The following ADGRL2 variants were observed in gnomAD, a reference collection of about 807,000 sequenced individuals.
ADGRL2 encodes calcium-independent alpha-latrotoxin receptor 2.
ADGRL2 carries 44 observed loss-of-function variants against 157.4 expected under a neutral mutation model. The ratio of observed to expected loss-of-function variants is 0.28; its 90% CI spans 0.22 to 0.36. ADGRL2 has a LOEUF of 0.36. ADGRL2 is among the 10% of genes least tolerant of loss of function. ADGRL2 has a pLI of 1.00. For synonymous variants in ADGRL2, 585 were observed against 624.7 expected (o/e 0.94, Z 0.95); for missense variants, 1,510 against 1,768.9 (o/e 0.85, Z 2.63).
intron 2 of ADGRL2, among the ~76,000 whole-genome samples, chr1:81,527,734 G>C (rs2079497521): frequency 1.3e-5 from 2 of 151,492 alleles, no homozygotes; most frequent in Admixed American, 6.6e-5. Context: ...TGATCGGAGG[G>C]AGCTGCCTTG....
At chr1:81,813,406 T>A (rs898486165) in intron 1 of ADGRL2, among the ~76,000 whole-genome samples, 1 of 151,718 alleles carries the variant, frequency 6.6e-6, no homozygotes, top group Non-Finnish European at 1.5e-5. Context: ...TCTTTACTAA[T>A]GTGAAAAGTC....
At chr1:81,762,369 A>G (rs1017972414) in intron 2 of ADGRL2, among the ~76,000 whole-genome samples, 3 of 152,210 alleles carry the variant, frequency 2.0e-5, no homozygotes, top group Non-Finnish European at 4.4e-5. Flanking sequence ...CAAGCTAGCC[A>G]CTATATGATT....
chr1:81,803,437 C>T (rs565741646), intron 1 of ADGRL2, among the ~76,000 whole-genome samples: 2 of 151,972 alleles, frequency 1.3e-5, no homozygotes, highest in Non-Finnish European at 2.9e-5. Flanking sequence ...CTTTTTTTCC[C>T]CCCCTCCAAT....
chr1:81,550,657 G>A (rs990099556), intron 2 of ADGRL2, among the ~76,000 whole-genome samples: 10 of 152,096 alleles, frequency 6.6e-5, no homozygotes, highest in Non-Finnish European at 1.3e-4. Flanking sequence ...CAGTCCTGTC[G>A]TCTGCCTGAT....
intron 2 of ADGRL2, among the ~76,000 whole-genome samples, chr1:81,839,034 T>G (rs1175173156): frequency 1.3e-5 from 2 of 152,010 alleles, no homozygotes; most frequent in African/African-American, 4.8e-5. Flanking sequence ...GACATCATAG[T>G]CCTTTATTGC....
chr1:81,463,447 G>A (rs1473406248), intron 2 of ADGRL2, among the ~76,000 whole-genome samples: 1 of 152,082 alleles, frequency 6.6e-6, no homozygotes, highest in African/African-American at 2.4e-5. Context: ...AATACTTCTG[G>A]TATTTGTTTT....
At chr1:81,489,543 A>G (rs1244347426) in intron 2 of ADGRL2, among the ~76,000 whole-genome samples, 1 of 152,234 alleles carries the variant, frequency 6.6e-6, no homozygotes, top group Non-Finnish European at 1.5e-5. Flanking sequence ...AAAAGAAGAA[A>G]GAATATTTGA....
intron 3 of ADGRL2, among the ~76,000 whole-genome samples, chr1:81,914,144 T>A (rs532903676): frequency 6.6e-6 from 1 of 152,264 alleles, no homozygotes; most frequent in Admixed American, 6.5e-5. Context: ...TTTCGGCTTG[T>A]GTATACTCTC....
chr1:81,950,344 A>G lies in ADGRL2; in HGVS notation c.1366A>G (p.Thr456Ala), dbSNP rs561207716. The change falls in exon 7 of 24, where the codon ACA becomes GCA. Residue 456 changes from threonine to alanine, a missense_variant. Physicochemically the swap from Thr to Ala is moderately conservative, Grantham distance 58 (BLOSUM62 0). Around this residue, in one of 4 missense-constraint regions of ADGRL2, gnomAD observed 325 missense variants for 333.2 expected, o/e 0.98. Transcript: ENST00000686636. ...GACAAAACCACCTCCAGCAGTTTCT[A>G]CAACCAAAATTCCACCTATAACAAA... ...KGTKPPPAVS[T>A]TKIPPITNIF... 11 of 1,614,134 alleles carry G rather than the reference A, an allele frequency of 6.8e-6. No individual in the cohort carries two copies. The African/African-American group carries it at 1.3e-4, about 20-fold the overall frequency.
At chr1:81,824,768 A>G (rs549326478) in intron 1 of ADGRL2, among the ~76,000 whole-genome samples, 25 of 152,234 alleles carry the variant, frequency 1.6e-4, no homozygotes, top group African/African-American at 6.0e-4. Context: ...TTTATTCTGA[A>G]GTTTATTAGG....
intron 1 of ADGRL2, among the ~76,000 whole-genome samples, chr1:81,734,358 G>A (rs2084826587): frequency 6.6e-6 from 1 of 150,906 alleles, no homozygotes. Context: ...AAAACATGGA[G>A]GGGAAGGTGA....
chr1:81,782,384 T>A (rs139738593), intron 2 of ADGRL2, among the ~76,000 whole-genome samples: 3 of 152,308 alleles, frequency 2.0e-5, no homozygotes, highest in East Asian at 3.9e-4. Flanking sequence ...AATATATTAA[T>A]GAGGGGGTAA....
intron 19 of ADGRL2, among the ~76,000 whole-genome samples, chr1:81,982,973 C>T (rs148288677): frequency 6.6e-6 from 1 of 151,908 alleles, no homozygotes; most frequent in African/African-American, 2.4e-5. Flanking sequence ...TATTTAATAA[C>T]AATGAACTTT....
At chr1:81,522,904 G>A (rs1166552507) in intron 2 of ADGRL2, among the ~76,000 whole-genome samples, 1 of 152,054 alleles carries the variant, frequency 6.6e-6, no homozygotes, top group East Asian at 1.9e-4. Flanking sequence ...TACATTCAAA[G>A]GTTCAGTAGG....
chr1:81,343,092 CTTT>C (rs544677891), intron 1 of ADGRL2, among the ~76,000 whole-genome samples: 1 of 131,140 alleles, frequency 7.6e-6, no homozygotes, highest in African/African-American at 2.8e-5. Flanking sequence ...TTTTTCTTTT[CTTT>C]TTTTTTTTTT....
intron 1 of ADGRL2, among the ~76,000 whole-genome samples, chr1:81,748,467 C>CAAAAAA (rs973818702): frequency 4.0e-4 from 17 of 42,338 alleles, no homozygotes; most frequent in Admixed American, 1.3e-3. Context: ...GATTCCGTCT[C>CAAAAAA]AAAAAAAAAA....
At chr1:81,661,178 C>G (rs1330360243) in intron 3 of ADGRL2, among the ~76,000 whole-genome samples, 2 of 136,874 alleles carry the variant, frequency 1.5e-5, no homozygotes, top group Non-Finnish European at 3.1e-5. Flanking sequence ...TAAAGTATTT[C>G]CATAAGCATT....
intron 1 of ADGRL2, among the ~76,000 whole-genome samples, chr1:81,441,092 AC>A (rs1199035762): frequency 1.6e-4 from 25 of 152,214 alleles, no homozygotes; most frequent in African/African-American, 5.5e-4. Flanking sequence ...GACATCAGAG[AC>A]TTTTACCCAC....
chr1:81,819,722 C>G (rs536783917), intron 1 of ADGRL2, among the ~76,000 whole-genome samples: 18 of 152,124 alleles, frequency 1.2e-4, no homozygotes, highest in Admixed American at 5.9e-4. Context: ...GGTTAGAAAT[C>G]TTTATTTTGC....
Sources: gnomAD v4.1 joint callset for allele counts (sites outside exome capture counted in the v4.1 genomes callset) on GRCh38, gnomAD v4.1.1 for gene constraint, gnomAD v4.1.1 regional missense constraint, MANE v1.5 for transcripts, NCBI Gene and HGNC (gene_info 2026-07-23, HGNC 2026-07-21) for gene names.